TRMT44: variants seen among roughly 807,000 people sequenced by gnomAD.
The protein encoded by TRMT44 is probable tRNA (uracil-O(2)-)-methyltransferase.
In TRMT44, 78 loss-of-function variants were observed where a neutral mutation model predicts 77.3. That is an observed-to-expected ratio of 1.01 (90% CI 0.84 to 1.22). The LOEUF is 1.22. Among genes scored for constraint, TRMT44 ranks in the 50% most tolerant of loss-of-function variants. The probability of loss-of-function intolerance (pLI) is 0.00; values close to 1 mark genes in which losing one functional copy is unlikely to be tolerated. For missense variants in TRMT44, 1,090 were observed against 964.4 expected, an observed-to-expected ratio of 1.13 and a Z score of -1.73; for synonymous variants, 391 against 383.3, an observed-to-expected ratio of 1.02 and a Z score of -0.23.
intron 10 of TRMT44, 73 bp from the exon 11 acceptor site, chr4:8,475,699 C>A: frequency 6.9e-7 from 1 of 1,453,130 alleles, no homozygotes; most frequent in Non-Finnish European, 9.5e-7. Context: ...GGCGTGGGAG[C>A]TAAAGAGAGG....
intron 6 of TRMT44, among the ~76,000 whole-genome samples, chr4:8,462,671 C>T (rs908222250): frequency 2.0e-5 from 3 of 152,218 alleles, no homozygotes; most frequent in Non-Finnish European, 4.4e-5. Context: ...CGCCACTGCA[C>T]TCCAGCCTGG....
downstream of TRMT44, among the ~76,000 whole-genome samples, chr4:8,494,296 T>G (rs1728092766): frequency 6.6e-6 from 1 of 152,156 alleles, no homozygotes; most frequent in Non-Finnish European, 1.5e-5. Flanking sequence ...AAAACAGTTG[T>G]GTTAAATTTC....
chr4:8,465,407 TC>T lies in TRMT44; in HGVS notation c.1344del (p.Cys449AlafsTer84). The T allele has an allele frequency of 6.2e-7, 1 of 1,613,328 alleles. No homozygotes were observed. Among genetic ancestry groups the T allele is most frequent in the Middle Eastern group, 1.7e-4 (1 of 5,938 alleles). ...RSSYNCRFFV[L>X]PCCFFDFIGR... ...TCCTACAATTGCCGCTTCTTTGTCC[TC>T]CCCTGCTGCTTCTTTGACTTCATTG... On this transcript the variant is annotated frameshift_variant, in exon 8 of 11. Coordinates refer to ENST00000389737, the MANE Select transcript of TRMT44 (RefSeq NM_152544.3). LOFTEE classifies it high-confidence loss of function.
the TRMT44 span, among the ~76,000 whole-genome samples, chr4:8,503,301 G>C: frequency 2.0e-5 from 3 of 152,230 alleles, no homozygotes; most frequent in Non-Finnish European, 4.4e-5. Flanking sequence ...CCCCGGAAAG[G>C]GTGGCACTCT....
intron 10 of TRMT44, among the ~76,000 whole-genome samples, chr4:8,474,661 A>T (rs574716369): frequency 5.3e-5 from 8 of 152,336 alleles, no homozygotes; most frequent in African/African-American, 1.9e-4. Flanking sequence ...GGTGAGCCAG[A>T]CTTCCTCACT....
rs1350517289 is a variant in TRMT44, at chr4:8,444,486, C to T, written c.620-1990C>T. 3.3e-5 allele frequency among the ~76,000 whole-genome samples: 5 copies of T among 151,902 alleles called. No homozygotes were observed. In the East Asian group the frequency reaches 7.7e-4, roughly 23 times the overall value. On this transcript the variant is annotated intron_variant, in intron 1 of 10. Coordinates refer to ENST00000389737, the MANE Select transcript of TRMT44 (RefSeq NM_152544.3). This position sits in a 1 kb window ranked among gnomAD's most constrained non-coding sequence, Gnocchi z 4.0. ...GATTTCAGCTCACTGCAACCTCCGC[C>T]TCCTGGGTTCGAGCGATTCTCCTAA... is the stretch of plus-strand genomic sequence containing the variant.
chr4:8,465,602 G>A (rs1216473954), intron 8 of TRMT44, 41 bp downstream of exon 8: 1 of 1,556,640 alleles, frequency 6.4e-7, no homozygotes, highest in Non-Finnish European at 8.8e-7. Flanking sequence ...GTGTGTCGGT[G>A]TTCAGATGGA....
At chr4:8,498,657 T>A in the TRMT44 span, among the ~76,000 whole-genome samples, 2 of 151,934 alleles carry the variant, frequency 1.3e-5, no homozygotes, top group Admixed American at 6.6e-5. This position sits in a 1 kb window ranked among gnomAD's most constrained non-coding sequence, Gnocchi z 4.3. Context: ...TGAAGGAGGG[T>A]CCCATGCTGA....
the TRMT44 span, among the ~76,000 whole-genome samples, chr4:8,516,154 G>A: frequency 2.6e-5 from 4 of 152,106 alleles, no homozygotes; most frequent in Admixed American, 6.5e-5. Flanking sequence ...CTCTGTGCTC[G>A]TCCCTGGGTG....
At chr4:8,474,812 A>AG (rs1560242913) in intron 10 of TRMT44, among the ~76,000 whole-genome samples, 1 of 152,068 alleles carries the variant, frequency 6.6e-6, no homozygotes, top group Non-Finnish European at 1.5e-5. Context: ...ATGGGAGCGT[A>AG]GGGGGGTATC....
At chr4:8,450,645 T>C (rs191980183) in intron 3 of TRMT44, among the ~76,000 whole-genome samples, 14 of 152,312 alleles carry the variant, frequency 9.2e-5, no homozygotes, top group East Asian at 5.8e-4. Flanking sequence ...GGACCCCGAA[T>C]TGGGGGCGGG....
chr4:8,466,329 C>A (rs1210119967), intron 8 of TRMT44, among the ~76,000 whole-genome samples: 2 of 148,720 alleles, frequency 1.3e-5, no homozygotes, highest in African/African-American at 5.2e-5. Flanking sequence ...TCGGGCTGAT[C>A]GCGGAGCTCC....
chr4:8,484,161 A>G (rs1227125939), intron 2 of TRMT44, among the ~76,000 whole-genome samples: 1 of 152,000 alleles, frequency 6.6e-6, no homozygotes, highest in Non-Finnish European at 1.5e-5. Context: ...CCATCAATAA[A>G]CTAAGTGTGA....
At chr4:8,441,593 A>G (rs1023232351) in intron 1 of TRMT44, among the ~76,000 whole-genome samples, 152 bp downstream of exon 1, 3 of 152,184 alleles carry the variant, frequency 2.0e-5, no homozygotes, top group African/African-American at 4.8e-5. Context: ...GGGCGCATAG[A>G]AATGTGTGTC....
chr4:8,496,953 A>G (rs1011385982), downstream of TRMT44, among the ~76,000 whole-genome samples: 1 of 152,176 alleles, frequency 6.6e-6, no homozygotes, highest in Non-Finnish European at 1.5e-5. Context: ...GGCAGAAATT[A>G]AAGAAAAATA....
chr4:8,472,576 G>GCACACA (rs143026797), intron 10 of TRMT44, among the ~76,000 whole-genome samples: 2 of 152,124 alleles, frequency 1.3e-5, no homozygotes, highest in African/African-American at 4.8e-5. Context: ...GTGGGTTTGT[G>GCACACA]CACACACACA....
downstream of TRMT44, among the ~76,000 whole-genome samples, chr4:8,494,232 C>T (rs1577071501): frequency 1.3e-5 from 2 of 152,016 alleles, no homozygotes; most frequent in Non-Finnish European, 2.9e-5. Context: ...CTGCATACCT[C>T]CCTCACAATT....
At chr4:8,465,863 G>A (rs968839304) in intron 8 of TRMT44, among the ~76,000 whole-genome samples, 1 of 152,238 alleles carries the variant, frequency 6.6e-6, no homozygotes, top group African/African-American at 2.4e-5. Flanking sequence ...CCTCAGTGTG[G>A]CCTGTGGCTG....
At chr4:8,473,958 G>A (rs1204559879) in intron 10 of TRMT44, among the ~76,000 whole-genome samples, 3 of 152,182 alleles carry the variant, frequency 2.0e-5, no homozygotes, top group Non-Finnish European at 2.9e-5. Context: ...TATCATCAGC[G>A]CCCGCTCCTC....
Sources: allele counts gnomAD v4.1 joint callset (sites outside exome capture counted in the v4.1 genomes callset), GRCh38; gene constraint gnomAD v4.1.1; non-coding constraint Gnocchi (gnomAD v3.1); transcripts MANE v1.5; gene names NCBI Gene and HGNC (gene_info 2026-07-23, HGNC 2026-07-21).